MRC1: variants seen among roughly 807,000 people sequenced by gnomAD.
MRC1 encodes macrophage mannose receptor 1.
A neutral mutation model predicts 102.9 loss-of-function variants in MRC1; 62 were observed. That is an observed-to-expected ratio of 0.60 (90% CI 0.49 to 0.74). MRC1 has a LOEUF of 0.74. Among genes scored for constraint, MRC1 ranks in the 30% least tolerant of loss-of-function variants. The pLI is 0.00. For synonymous variants in MRC1, 457 were observed against 298.4 expected, an observed-to-expected ratio of 1.53 and a Z score of -5.48; for missense variants, 1,237 against 862.8, an observed-to-expected ratio of 1.43 and a Z score of -5.43.
chr10:17,863,868 A>G (rs1382888971), intron 11 of MRC1, among the ~76,000 whole-genome samples, 186 bp downstream of exon 11: 2 of 150,942 alleles, frequency 1.3e-5, no homozygotes, highest in Non-Finnish European at 2.9e-5. Flanking sequence ...AAGTTTCCCA[A>G]TAGGTTTAGT....
intron 1 of MRC1, among the ~76,000 whole-genome samples, chr10:17,822,282 A>G (rs1554838326): frequency 6.6e-6 from 1 of 152,228 alleles, no homozygotes; most frequent in East Asian, 1.9e-4. Context: ...TCACTATTAA[A>G]TTATTAACAA....
At chr10:17,848,340 A>G (rs2130639555) in intron 6 of MRC1, among the ~76,000 whole-genome samples, 1 of 152,294 alleles carries the variant, frequency 6.6e-6, no homozygotes, top group African/African-American at 2.4e-5. Flanking sequence ...TATCAACTAT[A>G]ACTTCAATTC....
At chr10:17,847,407 A>G (rs1166299282) in intron 6 of MRC1, among the ~76,000 whole-genome samples, 1 of 152,184 alleles carries the variant, frequency 6.6e-6, no homozygotes, top group Non-Finnish European at 1.5e-5. Flanking sequence ...TTCCTCCATG[A>G]TGCCTTCTTC....
At chr10:17,882,422 G>A (rs1198254845) in intron 21 of MRC1, among the ~76,000 whole-genome samples, 1 of 151,820 alleles carries the variant, frequency 6.6e-6, no homozygotes, top group Non-Finnish European at 1.5e-5. Context: ...TAGTATAGAA[G>A]ATGCTCAACA....
In MRC1 at chr10:17,886,283, T is replaced by TCTTCCTTCCTTC. The variant is rs537058208; in HGVS notation, c.3147+870_3147+881dup. On this transcript the variant is annotated intron_variant, in intron 22 of 29. Transcript: ENST00000569591. Reference sequence around the variant, plus strand: ...AAAAAAGAATCAACTATGGGTGTTTTCTTCCTTCCTTCCTTCCTTCCTTCC... The same window carrying TCTTCCTTCCTTC: ...AAAAAAGAATCAACTATGGGTGTTTTCTTCCTTCCTTCCTTCCTTCCTTCCTTCCTTCCTTCC... 3.1e-3 allele frequency among the ~76,000 whole-genome samples: 454 copies of TCTTCCTTCCTTC among 144,890 alleles called. 6 individuals carry two copies. Among genetic ancestry groups the TCTTCCTTCCTTC allele is most frequent in the Middle Eastern group, 0.011 (3 of 280 alleles).
At chr10:17,812,695 C>T (rs905852249) in intron 1 of MRC1, among the ~76,000 whole-genome samples, 42 of 151,850 alleles carry the variant, frequency 2.8e-4, no homozygotes, top group Admixed American at 6.6e-5. Flanking sequence ...CCTCAGCCTC[C>T]CGAGTAGCTG....
chr10:17,848,938 G>T (rs1368459967), intron 6 of MRC1, among the ~76,000 whole-genome samples: 1 of 152,086 alleles, frequency 6.6e-6, no homozygotes, highest in East Asian at 1.9e-4. Flanking sequence ...ACACTAACCT[G>T]CCTCTCAAGA....
In MRC1 at chr10:17,809,428, C is replaced by A; in HGVS notation, c.-38C>A. ...TTGTTTTGCGTCTTAGTTCCGCCCT[C>A]CTGTCCATCAGGAGAAGGAAAGGAT... On this transcript the variant is annotated 5_prime_UTR_variant, in exon 1 of 30. Transcript: ENST00000569591. 1.1e-6 allele frequency: 1 copy of A among 872,564 alleles called. No individual in the cohort carries two copies. The highest frequency in any genetic ancestry group is 1.3e-5 in the South Asian group (1 of 76,528). The allele number at this position is 872,564 out of a possible 1,614,324, so 54.1% of individuals were successfully genotyped here.
chr10:17,847,901 A>G (rs1340015113), intron 6 of MRC1, among the ~76,000 whole-genome samples: 1 of 146,848 alleles, frequency 6.8e-6, no homozygotes, highest in African/African-American at 2.5e-5. Context: ...AGCTGTACTA[A>G]GCTTGCTTTC....
intron 22 of MRC1, among the ~76,000 whole-genome samples, chr10:17,888,220 G>C (rs1010810336): frequency 2.7e-4 from 41 of 152,198 alleles, no homozygotes; most frequent in Admixed American, 7.9e-4. Context: ...TGCTTGGATT[G>C]TAACAGGTTT....
chr10:17,907,446 G>A (rs1414710810), intron 27 of MRC1, 88 bp from the exon 28 acceptor site: 9 of 773,876 alleles, frequency 1.2e-5, no homozygotes, highest in Non-Finnish European at 2.2e-5. Flanking sequence ...AAAAGAATAT[G>A]CTTAGAAATT....
intron 8 of MRC1, chr10:17,854,905 A>T (rs1324590052): frequency 6.5e-6 from 1 of 153,248 alleles, no homozygotes; most frequent in African/African-American, 2.4e-5. Context: ...TGGCCCGGCT[A>T]GTCTTGAACT....
chr10:17,822,999 A>T, intron 1 of MRC1, 75 bp from the exon 2 acceptor site: 1 of 759,326 alleles, frequency 1.3e-6, no homozygotes, highest in South Asian at 1.4e-5. Flanking sequence ...GACCTAAAAG[A>T]TCGTCCTTGT....
intron 1 of MRC1, among the ~76,000 whole-genome samples, chr10:17,819,820 C>A (rs1343097337): frequency 6.6e-6 from 1 of 152,078 alleles, no homozygotes; most frequent in Non-Finnish European, 1.5e-5. Flanking sequence ...TGGCACAGGT[C>A]TATAGTCCCA....
chr10:17,902,213 A>C, intron 26 of MRC1, 91 bp downstream of exon 26: 1 of 670,040 alleles, frequency 1.5e-6, no homozygotes, highest in Non-Finnish European at 2.7e-6. Flanking sequence ...GAATGTAAAA[A>C]TACCTGTTTA....
At chr10:17,905,515 A>AT (rs1241039548) in intron 26 of MRC1, among the ~76,000 whole-genome samples, 4 of 151,578 alleles carry the variant, frequency 2.6e-5, no homozygotes, top group Admixed American at 1.3e-4. Context: ...ATTGCTAAGT[A>AT]TTTTTTTTGA....
At chr10:17,857,079 A>G (rs997852597) in intron 9 of MRC1, among the ~76,000 whole-genome samples, 1 of 152,232 alleles carries the variant, frequency 6.6e-6, no homozygotes, top group Non-Finnish European at 1.5e-5. Flanking sequence ...TGTTGTGGTC[A>G]CATAATCTTA....
intron 3 of MRC1, among the ~76,000 whole-genome samples, chr10:17,833,268 C>T (rs1838606935): frequency 6.6e-6 from 1 of 152,124 alleles, no homozygotes; most frequent in East Asian, 1.9e-4. Context: ...CCTTTGTAAT[C>T]CCAGCACTTT....
intron 5 of MRC1, among the ~76,000 whole-genome samples, chr10:17,843,424 T>C (rs1838779167): frequency 6.6e-6 from 1 of 152,142 alleles, no homozygotes; most frequent in South Asian, 2.1e-4. Context: ...TACCAGCACT[T>C]TGGGAGGCTG....
Sources: allele counts gnomAD v4.1 joint callset (sites outside exome capture counted in the v4.1 genomes callset), GRCh38; gene constraint gnomAD v4.1.1; transcripts MANE v1.5; gene names NCBI Gene and HGNC (gene_info 2026-07-23, HGNC 2026-07-21).